HAVCR2: variants seen among roughly 807,000 people sequenced by gnomAD.
HAVCR2 encodes hepatitis A virus cellular receptor 2.
Under a neutral mutation model 24.7 loss-of-function variants are expected in HAVCR2, and 13 were observed. The observed-to-expected ratio is 0.53, with a 90% CI of 0.34 to 0.84. The LOEUF (loss-of-function observed/expected upper bound fraction) is 0.84. HAVCR2 is among the 40% of genes least tolerant of loss of function. HAVCR2 has a pLI of 0.01. For synonymous variants in HAVCR2, 154 were observed against 143.4 expected, an observed-to-expected ratio of 1.07 and a Z score of -0.53; for missense variants, 343 against 371.2, an observed-to-expected ratio of 0.92 and a Z score of 0.62.
At chr5:157,098,783 G>T in intron 4 of HAVCR2, 75 bp downstream of exon 4, 1 of 1,331,270 alleles carries the variant, frequency 7.5e-7, no homozygotes, top group Non-Finnish European at 1.1e-6. Context: ...GGACAAGGTG[G>T]GCATGAAGGA....
At position 157,104,674 on chromosome 5, in the gene HAVCR2, T is replaced by C. The variant is rs763933932; in HGVS notation, c.470A>G (p.His157Arg). 3.4e-5 allele frequency: 54 copies of C among 1,600,698 alleles called. No individual in the cohort carries two copies. The highest frequency in any genetic ancestry group is 4.4e-5 in the Non-Finnish European group (52 of 1,172,244). ...AFPRMLTTRG[H>R]GPAETQTLGS... ...GCCCCATGCATAGTTACCTGGGCCA[T>C]GTCCCCTGGTGGTAAGCATCCTTGG... Residue 157 changes from histidine to arginine, a missense_variant, in exon 3 of 7, where the codon CAT becomes CGT. Physicochemically the swap from His to Arg is conservative, Grantham distance 29. Transcript: ENST00000307851.
intron 3 of HAVCR2, among the ~76,000 whole-genome samples, chr5:157,099,531 T>G (rs992514142): frequency 6.6e-6 from 1 of 150,958 alleles, no homozygotes; most frequent in African/African-American, 2.4e-5. Context: ...GGATTACAGG[T>G]GTGAACGACC....
At chr5:157,092,913 A>AAAAAAAAAAAAATAAAAAAAAAAT (rs1561619880) in intron 5 of HAVCR2, among the ~76,000 whole-genome samples, 1 of 122,972 alleles carries the variant, frequency 8.1e-6, no homozygotes, top group African/African-American at 3.1e-5. Context: ...AAAAAAAAAA[A>AAAAAAAAAAAAATAAAAAAAAAAT]AAAAACTAGC....
In HAVCR2 at chr5:157,095,306, A is replaced by G; in HGVS notation, c.676T>C (p.Trp226Arg). 6.2e-7 allele frequency: 1 copy of G among 1,613,366 alleles called. No homozygotes were observed. ...GGGAGAGAGAAACAAAAACACTTACATTTGAAAATTAAAGCGCCGAAGATA... is the reference window on the plus strand; with the variant it reads ...GGGAGAGAGAAACAAAAACACTTACGTTTGAAAATTAAAGCGCCGAAGATA... ...ALIFGALIFKWYSHSKEKIQN... is the reference protein window; with the variant it reads ...ALIFGALIFKRYSHSKEKIQN... The change falls in exon 5 of 7, where the codon TGG (tryptophan) becomes CGG (arginine). Residue 226 changes from tryptophan (W) to arginine (R), a missense_variant and splice_region_variant. Trp to Arg is a moderately radical substitution (Grantham distance 101). Coordinates refer to ENST00000307851, the MANE Select transcript of HAVCR2 (RefSeq NM_032782.5).
In HAVCR2 at chr5:157,095,404, CG is replaced by C; in HGVS notation, c.577del (p.Arg193GlyfsTer9). On this transcript the variant is annotated frameshift_variant, in exon 5 of 7. Coordinates refer to ENST00000307851, the MANE Select transcript of HAVCR2 (RefSeq NM_032782.5). LOFTEE classifies it high-confidence loss of function. ...TATTCTGATGGTTGCTCCAGAGTCCCGTAAGTCATTGGCCAATCTAGAGTCC... is the reference window on the plus strand; with the variant it reads ...TATTCTGATGGTTGCTCCAGAGTCCCTAAGTCATTGGCCAATCTAGAGTCC... ...LRDSRLANDL[R>X]DSGATIRIGI... 1 of 1,614,056 alleles carries C rather than the reference CG, an allele frequency of 6.2e-7. No individual in the cohort carries two copies. Among genetic ancestry groups the C allele is most frequent in the Non-Finnish European group, 8.5e-7 (1 of 1,180,002 alleles).
intron 5 of HAVCR2, among the ~76,000 whole-genome samples, chr5:157,090,982 G>A (rs917961375): frequency 8.5e-5 from 13 of 152,078 alleles, no homozygotes; most frequent in Non-Finnish European, 1.5e-4. Context: ...TAGCTGGGAC[G>A]ATAGGCGTGC....
At chr5:157,107,027 A>G in intron 1 of HAVCR2, 65 bp from the exon 2 acceptor site, 20 of 1,312,014 alleles carry the variant, frequency 1.5e-5, no homozygotes, top group Non-Finnish European at 2.1e-5. Flanking sequence ...TTTCAGGAAA[A>G]CTGCAAGCCA....
chr5:157,087,051 A>T lies in HAVCR2; in HGVS notation c.*51T>A. On this transcript the variant is annotated 3_prime_UTR_variant, in exon 7 of 7. Transcript: ENST00000307851. ...CAAAACCAGTCAGGTGACACAGCTCATAGTTTCTGAAAAAGACAAAACACC... is the reference window on the plus strand; with the variant it reads ...CAAAACCAGTCAGGTGACACAGCTCTTAGTTTCTGAAAAAGACAAAACACC... 1.3e-6 allele frequency: 2 copies of T among 1,546,152 alleles called. No individual in the cohort carries two copies. Among genetic ancestry groups the T allele is most frequent in the Non-Finnish European group, 1.8e-6 (2 of 1,123,902 alleles).
At position 157,095,315 on chromosome 5, in the gene HAVCR2, T is replaced by C. The variant is rs772652368; in HGVS notation, c.667A>G (p.Ile223Val). 1 of 1,613,386 alleles carries C rather than the reference T, an allele frequency of 6.2e-7. No individual in the cohort carries two copies. The highest frequency in any genetic ancestry group is 1.1e-5 in the South Asian group (1 of 90,996). Residue 223 changes from isoleucine (I) to valine (V), a missense_variant, in exon 5 of 7, where the codon ATT becomes GTT. Physicochemically the swap from Ile to Val is conservative, Grantham distance 29 (BLOSUM62 3). Coordinates refer to ENST00000307851, the MANE Select transcript of HAVCR2 (RefSeq NM_032782.5). ...AAACAAAAACACTTACATTTGAAAA[T>C]TAAAGCGCCGAAGATAAGAGCCAGA... ...LALALIFGAL[I>V]FKWYSHSKEK...
chr5:157,089,362 C>A (rs1756959729), intron 5 of HAVCR2, among the ~76,000 whole-genome samples: 1 of 151,964 alleles, frequency 6.6e-6, no homozygotes, highest in African/African-American at 2.4e-5. Context: ...CATGGAGAAA[C>A]CCCGTCTCTA....
chr5:157,104,103 C>A lies in HAVCR2; in HGVS notation c.478+563G>T, dbSNP rs115526185. Among the ~76,000 whole-genome samples, 1,507 of 152,210 alleles carry A rather than the reference C, an allele frequency of 9.9e-3. 25 individuals are homozygous for A. Among genetic ancestry groups the A allele is most frequent in the African/African-American group, 0.034 (1,431 of 41,518 alleles). ...GAGACCAGGACACTGACAAGAAATA[C>A]CTTAAAATTAACCTTCATGATCAAT... On this transcript the variant is annotated intron_variant, in intron 3 of 6. Transcript: ENST00000307851.
chr5:157,096,366 A>G lies in HAVCR2; in HGVS notation c.523-907T>C, dbSNP rs187556691. 2.4e-3 allele frequency among the ~76,000 whole-genome samples: 365 copies of G among 152,276 alleles called. 1 individual carries two copies. The highest frequency in any genetic ancestry group is 2.2e-3 in the Non-Finnish European group (147 of 68,030). On this transcript the variant is annotated intron_variant, in intron 4 of 6. Transcript: ENST00000307851. ...CTGGTACATAATAAATGTTCAATCA[A>G]TCGTAGCTATTATTGCTATTGCTCT...
Position 157,095,345 on chromosome 5 carries a change from G to A in HAVCR2, c.637C>T (p.Leu213=). The change falls in exon 5 of 7, where the codon CTG becomes TTG. Residue 213 remains leucine (L), a synonymous_variant. Coordinates refer to ENST00000307851, the MANE Select transcript of HAVCR2 (RefSeq NM_032782.5). ...IYIGAGICAG[L]ALALIFGALI... ...GCGCCGAAGATAAGAGCCAGAGCCA[G>A]CCCAGCACAGATCCCTGCTCCGATG... 6.2e-7 allele frequency: 1 copy of A among 1,614,138 alleles called. No homozygotes were observed. Among genetic ancestry groups the A allele is most frequent in the Non-Finnish European group, 8.5e-7 (1 of 1,180,030 alleles).
intron 2 of HAVCR2, 130 bp from the exon 3 acceptor site, chr5:157,104,879 A>C: frequency 1.7e-6 from 1 of 591,336 alleles, no homozygotes; most frequent in East Asian, 3.1e-5. Context: ...CAGCTTCCAA[A>C]CCTGCCTGGA....
At chr5:157,104,531 A>C in intron 3 of HAVCR2, 135 bp downstream of exon 3, 1 of 572,822 alleles carries the variant, frequency 1.7e-6, no homozygotes, top group Non-Finnish European at 3.1e-6. Context: ...CCCTCTTTTC[A>C]AACACTATTT....
At chr5:157,103,319 C>T (rs1198030113) in intron 3 of HAVCR2, among the ~76,000 whole-genome samples, 1 of 151,132 alleles carries the variant, frequency 6.6e-6, no homozygotes, top group Non-Finnish European at 1.5e-5. Flanking sequence ...TGCAGTGAGC[C>T]GAGATTGCGC....
Position 157,104,750 on chromosome 5 carries a change from C to T in HAVCR2, c.395-1G>A. The T allele has an allele frequency of 1.3e-6, 2 of 1,588,596 alleles. No homozygotes were observed. The highest frequency in any genetic ancestry group is 8.6e-7 in the Non-Finnish European group (1 of 1,164,218). On this transcript the variant is annotated splice_acceptor_variant, in intron 2 of 6. Coordinates refer to ENST00000307851, the MANE Select transcript of HAVCR2 (RefSeq NM_032782.5). LOFTEE classifies it high-confidence loss of function. The stretch of plus-strand genomic sequence containing the variant: ...CGAGTCGGTGCAGGGGTGACCTTGG[C>T]TAATGTCAGAAACAACATAAGGATG...
At chr5:157,100,529 T>C (rs1032725963) in intron 3 of HAVCR2, among the ~76,000 whole-genome samples, 1 of 152,190 alleles carries the variant, frequency 6.6e-6, no homozygotes, top group Non-Finnish European at 1.5e-5. Flanking sequence ...CCTGACCTCA[T>C]GAACACTGAA....
intron 2 of HAVCR2, among the ~76,000 whole-genome samples, chr5:157,105,926 G>A (rs1204444655): frequency 1.3e-5 from 2 of 152,046 alleles, no homozygotes; most frequent in African/African-American, 4.8e-5. Context: ...CAGCCAGGCT[G>A]GTCTCAAACT....
Sources: gnomAD v4.1 joint callset for allele counts (sites outside exome capture counted in the v4.1 genomes callset) on GRCh38, gnomAD v4.1.1 for gene constraint, MANE v1.5 for transcripts, NCBI Gene and HGNC (gene_info 2026-07-23, HGNC 2026-07-21) for gene names.